The following PKHD1 variants were observed in gnomAD, a reference collection of about 807,000 sequenced individuals.
PKHD1 encodes PKHD1 ciliary IPT domain containing fibrocystin/polyductin.
A neutral mutation model predicts 412.0 loss-of-function variants in PKHD1; 291 were observed. The ratio of observed to expected loss-of-function variants is 0.71; its 90% confidence interval spans 0.64 to 0.78. The LOEUF is 0.78. PKHD1 is among the 30% of genes least tolerant of loss of function. The pLI is 0.00. For missense variants in PKHD1, 4,825 were observed against 4,950.7 expected, an observed-to-expected ratio of 0.97 and a Z score of 0.76; for synonymous variants, 1,777 against 1,821.5, an observed-to-expected ratio of 0.98 and a Z score of 0.62.
chr6:51,772,677 G>C lies in PKHD1; in HGVS notation c.8642+25C>G, dbSNP rs111621915. The C allele has an allele frequency of 7.5e-4, 897 of 1,203,042 alleles. 6 individuals carry two copies. In the African/African-American group the frequency reaches 0.012, roughly 16 times the overall value. The allele number at this position is 1,203,042 out of a possible 1,614,324, so 74.5% of individuals were successfully genotyped here. A position where few individuals can be genotyped will look rare whatever the true frequency, so the allele number is the denominator to read the frequency against. On this transcript the variant is annotated intron_variant, in intron 55 of 66. Coordinates refer to ENST00000371117, the MANE Select transcript of PKHD1 (RefSeq NM_138694.4). Reference sequence around the variant, plus strand: ...CAACCTAAACAACAACCAAGAAAAAGCCCTAAGTTACTCTCATTCCTTACC... The same window carrying C: ...CAACCTAAACAACAACCAAGAAAAACCCCTAAGTTACTCTCATTCCTTACC...
intron 43 of PKHD1, among the ~76,000 whole-genome samples, chr6:51,902,966 T>A (rs1327313438): frequency 6.6e-6 from 1 of 152,194 alleles, no homozygotes; most frequent in East Asian, 1.9e-4. Flanking sequence ...AAGGACAAAA[T>A]ATGGCCACAT....
intron 60 of PKHD1, among the ~76,000 whole-genome samples, chr6:51,667,376 A>C (rs1774008894): frequency 6.6e-6 from 1 of 151,576 alleles, no homozygotes; most frequent in East Asian, 1.9e-4. Context: ...TCCTTTGCCC[A>C]CTTTTTAATG....
chr6:51,669,128 T>TTCC lies in PKHD1; in HGVS notation c.10157-9162_10157-9160dup, dbSNP rs1243515057. On this transcript the variant is annotated intron_variant, in intron 60 of 66. Transcript: ENST00000371117. The stretch of plus-strand genomic sequence containing the variant: ...ATAGTTTCAGATGGAATGGTACCAG[T>TTCC]TCCTCCTTGTACCTCTGGTAGAATT... 9.9e-5 allele frequency among the ~76,000 whole-genome samples: 15 copies of TTCC among 152,248 alleles called. No homozygotes were observed. In the East Asian group the frequency reaches 2.7e-3, roughly 28 times the overall value.
intron 65 of PKHD1, among the ~76,000 whole-genome samples, chr6:51,629,148 G>A (rs1428909859): frequency 2.6e-5 from 4 of 151,984 alleles, no homozygotes; most frequent in Non-Finnish European, 2.9e-5. Context: ...CTGGACATAG[G>A]CCTTGGCAAA....
intron 26 of PKHD1, among the ~76,000 whole-genome samples, 155 bp downstream of exon 26, chr6:52,043,470 A>G (rs1805262272): frequency 6.6e-6 from 1 of 152,222 alleles, no homozygotes; most frequent in Non-Finnish European, 1.5e-5. Flanking sequence ...TATCCCTTAG[A>G]TGGACCAAAA....
chr6:51,939,013 A>G (rs1292011321), intron 36 of PKHD1, among the ~76,000 whole-genome samples: 1 of 151,598 alleles, frequency 6.6e-6, no homozygotes, highest in South Asian at 2.1e-4. Flanking sequence ...TCACGGACTC[A>G]GGAAGACAGT....
intron 60 of PKHD1, among the ~76,000 whole-genome samples, chr6:51,680,038 A>T (rs1027625758): frequency 6.6e-6 from 1 of 152,002 alleles, no homozygotes; most frequent in Admixed American, 6.6e-5. Context: ...TTTGCAAAGT[A>T]GGAATAATAA....
chr6:51,843,433 C>T (rs980230973), intron 50 of PKHD1, among the ~76,000 whole-genome samples: 44 of 152,068 alleles, frequency 2.9e-4, no homozygotes, highest in Non-Finnish European at 3.5e-4. Flanking sequence ...TATTTCATAG[C>T]GTTAATGTAA....
At position 51,672,869 on chromosome 6, in the gene PKHD1, T is replaced by C. The variant is rs550305442; in HGVS notation, c.10157-12900A>G. ...CCTGAATTATTCCTTGAAAGTATGG[T>C]ACTTAAGTTCATGATTTTGAAGTTC... On this transcript the variant is annotated intron_variant, in intron 60 of 66. Coordinates refer to ENST00000371117, the MANE Select transcript of PKHD1 (RefSeq NM_138694.4). Among the ~76,000 whole-genome samples the C allele has an allele frequency of 1.4e-4, 21 of 152,334 alleles. No individual in the cohort carries two copies. The South Asian group carries it at 4.1e-3, about 30-fold the overall frequency.
chr6:51,659,876 C>T lies in PKHD1; in HGVS notation c.10250G>A (p.Ser3417Asn), dbSNP rs778583323. The change falls in exon 61 of 67, where the codon AGC (serine) becomes AAC (asparagine). Residue 3417 changes from serine (S) to asparagine (N), a missense_variant. Physicochemically the swap from Ser to Asn is conservative, Grantham distance 46. Transcript: ENST00000371117. ...CTGAATTGCCCAAATGGCATCAGCG[C>T]TATCAAGAATTAGGACCACTTGGTC... ...QTDQVVLILDSADAIWAIQKL... is the reference protein window; with the variant it reads ...QTDQVVLILDNADAIWAIQKL... 4.3e-6 allele frequency: 7 copies of T among 1,613,516 alleles called. No individual in the cohort carries two copies. In the African/African-American group the frequency reaches 9.3e-5, roughly 22 times the overall value.
chr6:52,059,559 T>C (rs925084769), intron 15 of PKHD1, among the ~76,000 whole-genome samples: 14 of 152,100 alleles, frequency 9.2e-5, no homozygotes, highest in Non-Finnish European at 1.8e-4. Flanking sequence ...CACACAATCT[T>C]TCCAAGCCTC....
intron 53 of PKHD1, among the ~76,000 whole-genome samples, chr6:51,787,143 G>A (rs1180858946): frequency 1.3e-5 from 2 of 152,094 alleles, no homozygotes; most frequent in South Asian, 2.1e-4. Flanking sequence ...GGCGGATCAC[G>A]AGTTCAGGAG....
intron 55 of PKHD1, among the ~76,000 whole-genome samples, chr6:51,770,800 A>C (rs1388148918): frequency 6.6e-6 from 1 of 152,098 alleles, no homozygotes; most frequent in Non-Finnish European, 1.5e-5. Flanking sequence ...TTGAATGGTG[A>C]AGATTCATTT....
Position 52,050,263 on chromosome 6 carries a change from C to T in PKHD1, c.2173G>A (p.Gly725Arg). Residue 725 changes from glycine to arginine, a missense_variant, in exon 22 of 67, where the codon GGG becomes AGG. By Grantham distance (125) the Gly-to-Arg change is moderately radical. Transcript: ENST00000371117. Reference protein sequence around the residue: ...SQADSGTARPGGNLVESVSVV... With the variant: ...SQADSGTARPRGNLVESVSVV... ...GAGACTGATTCCACCAGATTGCCCC[C>T]TGGGCGAGCCGTTCCAGAATCAGCT... 8.1e-6 allele frequency: 13 copies of T among 1,614,056 alleles called. No individual in the cohort carries two copies. The highest frequency in any genetic ancestry group is 3.3e-4 in the Middle Eastern group (2 of 6,062).
At chr6:51,843,266 A>G (rs1175773131) in intron 50 of PKHD1, among the ~76,000 whole-genome samples, 1 of 152,170 alleles carries the variant, frequency 6.6e-6, no homozygotes, top group Non-Finnish European at 1.5e-5. Flanking sequence ...TAAGCAATAA[A>G]TAGAGAGTGG....
rs953881677 is a variant in PKHD1 at position 51,940,865 on chromosome 6, C to A, written c.5909-6543G>T. Among the ~76,000 whole-genome samples, 7 of 151,442 alleles carry A rather than the reference C, an allele frequency of 4.6e-5. 1 individual carries two copies. In the South Asian group the frequency reaches 6.2e-4, roughly 13 times the overall value. On this transcript the variant is annotated intron_variant, in intron 36 of 66. Coordinates refer to ENST00000371117, the MANE Select transcript of PKHD1 (RefSeq NM_138694.4). ...TTCTAAACCTCTTAAAACTCCCCAA[C>A]TCTGGTGCCATCTTAGACAACATTC...
chr6:51,934,364 G>T, intron 36 of PKHD1, 42 bp from the exon 37 acceptor site: 1 of 1,337,494 alleles, frequency 7.5e-7, no homozygotes, highest in Non-Finnish European at 1.1e-6. Flanking sequence ...GGGAGGATAA[G>T]GCTTACCGTT....
chr6:51,994,593 T>G (rs1387332753), intron 35 of PKHD1, among the ~76,000 whole-genome samples: 1 of 152,160 alleles, frequency 6.6e-6, no homozygotes, highest in Non-Finnish European at 1.5e-5. Flanking sequence ...GTTTTTTTCC[T>G]TGAGACAGAG....
intron 52 of PKHD1, among the ~76,000 whole-genome samples, chr6:51,807,277 A>C (rs1205397018): frequency 6.6e-6 from 1 of 151,518 alleles, no homozygotes; most frequent in Non-Finnish European, 1.5e-5. Flanking sequence ...TCTACTAAAA[A>C]AATGAAAAAT....
Sources: gnomAD v4.1 joint callset for allele counts (sites outside exome capture counted in the v4.1 genomes callset) on GRCh38, gnomAD v4.1.1 for gene constraint, MANE v1.5 for transcripts, NCBI Gene and HGNC (gene_info 2026-07-23, HGNC 2026-07-21) for gene names.